UNC13C: variants seen among roughly 807,000 people sequenced by gnomAD.
The protein encoded by UNC13C is unc-13 homolog C.
A neutral mutation model predicts 245.4 loss-of-function variants in UNC13C; 174 were observed. The observed-to-expected ratio is 0.71, with a 90% CI of 0.63 to 0.80. UNC13C has a LOEUF of 0.80. UNC13C is among the 30% of genes least tolerant of loss of function. The probability of loss-of-function intolerance (pLI) is 0.00; values close to 1 mark genes in which losing one functional copy is unlikely to be tolerated. For synonymous variants in UNC13C, 992 were observed against 895.1 expected (o/e 1.11, Z -1.93); for missense variants, 2,829 against 2,602.9 (o/e 1.09, Z -1.89).
At chr15:54,030,131 C>T (rs758833355) in intron 2 of UNC13C, among the ~76,000 whole-genome samples, 10 of 152,118 alleles carry the variant, frequency 6.6e-5, no homozygotes, top group Non-Finnish European at 1.2e-4. Flanking sequence ...CCACCTCTAC[C>T]TCATTCTCCC....
intron 24 of UNC13C, among the ~76,000 whole-genome samples, chr15:54,516,755 G>A (rs1366116051): frequency 2.0e-5 from 3 of 148,512 alleles, no homozygotes; most frequent in Admixed American, 6.8e-5. Flanking sequence ...AGCAGAGATC[G>A]CACCACGGCA....
chr15:54,057,538 A>G (rs1311709098), intron 2 of UNC13C, among the ~76,000 whole-genome samples: 1 of 152,038 alleles, frequency 6.6e-6, no homozygotes, highest in East Asian at 1.9e-4. Flanking sequence ...CACTGTCAAC[A>G]TTAGACAGAT....
intron 24 of UNC13C, among the ~76,000 whole-genome samples, chr15:54,521,717 T>A (rs1895221331): frequency 6.6e-6 from 1 of 152,206 alleles, no homozygotes; most frequent in East Asian, 1.9e-4. Flanking sequence ...GAAATCAGGA[T>A]TAACTTGATA....
At chr15:53,916,084 A>C in the UNC13C span, among the ~76,000 whole-genome samples, 1 of 152,238 alleles carries the variant, frequency 6.6e-6, no homozygotes, top group African/African-American at 2.4e-5. Flanking sequence ...AAACTGTTTA[A>C]AAATGGGAAA....
At chr15:54,479,360 A>T (rs1194455774) in intron 19 of UNC13C, among the ~76,000 whole-genome samples, 1 of 151,896 alleles carries the variant, frequency 6.6e-6, no homozygotes, top group Non-Finnish European at 1.5e-5. Flanking sequence ...TCTGTTTTTA[A>T]TGTAAAGTCT....
chr15:54,331,309 T>C (rs984196930), intron 14 of UNC13C, among the ~76,000 whole-genome samples: 6 of 152,076 alleles, frequency 3.9e-5, no homozygotes, highest in Non-Finnish European at 8.8e-5. Context: ...TTTGACTTTG[T>C]TTTTGTTTAA....
chr15:54,437,676 C>T lies in UNC13C; in HGVS notation c.4933+22609C>T, dbSNP rs887708116. On this transcript the variant is annotated intron_variant, in intron 19 of 32. Coordinates refer to ENST00000260323, the MANE Select transcript of UNC13C (RefSeq NM_001080534.3). Reference sequence around the variant, plus strand: ...AGTAGTCAGTTAGTCCAGTTCTGATCGATTGCAAACAGGAACACTGTTGAC... The same window carrying T: ...AGTAGTCAGTTAGTCCAGTTCTGATTGATTGCAAACAGGAACACTGTTGAC... 2.0e-5 allele frequency among the ~76,000 whole-genome samples: 3 copies of T among 151,924 alleles called. No individual in the cohort carries two copies. The South Asian group carries it at 6.2e-4, about 32-fold the overall frequency.
At position 54,129,706 on chromosome 15, in the gene UNC13C, TTC is replaced by T. The variant is rs2031286278; in HGVS notation, c.2984-13307_2984-13306del. Among the ~76,000 whole-genome samples the T allele has an allele frequency of 2.6e-5, 4 of 151,758 alleles. No individual in the cohort carries two copies. The South Asian group carries it at 8.4e-4, about 32-fold the overall frequency. ...AATTGGCATAAAGATGTATATATCA[TTC>T]TCTCAGAACTTTTCAAAATCTTTAC... On this transcript the variant is annotated intron_variant, in intron 2 of 32. Coordinates refer to ENST00000260323, the MANE Select transcript of UNC13C (RefSeq NM_001080534.3).
intron 8 of UNC13C, among the ~76,000 whole-genome samples, chr15:54,256,263 T>C (rs1195347656): frequency 1.3e-5 from 2 of 152,112 alleles, no homozygotes; most frequent in Admixed American, 6.5e-5. Context: ...AGGATGACTA[T>C]AGGGCATCTC....
intron 19 of UNC13C, among the ~76,000 whole-genome samples, chr15:54,463,447 G>A (rs568531959): frequency 2.6e-5 from 4 of 151,838 alleles, no homozygotes; most frequent in African/African-American, 9.7e-5. Context: ...AACACTCACC[G>A]CGAAGCTCTG....
intron 19 of UNC13C, among the ~76,000 whole-genome samples, chr15:54,445,710 A>C (rs890461121): frequency 6.6e-6 from 1 of 152,138 alleles, no homozygotes; most frequent in Non-Finnish European, 1.5e-5. Context: ...TCAGATGAGT[A>C]GATTGCAAAA....
At chr15:54,474,559 G>C (rs910150083) in intron 19 of UNC13C, among the ~76,000 whole-genome samples, 1 of 151,854 alleles carries the variant, frequency 6.6e-6, no homozygotes, top group African/African-American at 2.4e-5. Flanking sequence ...CTGTTTACTT[G>C]TTTGAGTTCT....
At chr15:54,358,477 G>C (rs556725786) in intron 17 of UNC13C, among the ~76,000 whole-genome samples, 2 of 152,088 alleles carry the variant, frequency 1.3e-5, no homozygotes, top group East Asian at 3.9e-4. Flanking sequence ...CCAATTATTT[G>C]CATCTTCTTC....
intron 17 of UNC13C, among the ~76,000 whole-genome samples, chr15:54,369,947 A>C (rs761970931): frequency 1.3e-4 from 19 of 151,998 alleles, no homozygotes; most frequent in Non-Finnish European, 2.4e-4. Context: ...TCTTGACTAC[A>C]TACTCTCCTT....
At chr15:53,922,114 A>G in the UNC13C span, among the ~76,000 whole-genome samples, 1 of 152,206 alleles carries the variant, frequency 6.6e-6, no homozygotes, top group Non-Finnish European at 1.5e-5. Context: ...ATACCATGAT[A>G]AAGTGAATAA....
At chr15:54,582,740 CTG>C (rs1056676496) in intron 30 of UNC13C, among the ~76,000 whole-genome samples, 7 of 152,128 alleles carry the variant, frequency 4.6e-5, no homozygotes, top group Admixed American at 3.3e-4. Flanking sequence ...CTAGCCAAAA[CTG>C]TGAATTATGA....
At chr15:54,191,074 A>C (rs1357964779) in intron 4 of UNC13C, among the ~76,000 whole-genome samples, 1 of 152,136 alleles carries the variant, frequency 6.6e-6, no homozygotes, top group Non-Finnish European at 1.5e-5. Flanking sequence ...ATTATGCTTT[A>C]AGTTCTGGGA....
intron 17 of UNC13C, among the ~76,000 whole-genome samples, chr15:54,351,254 CG>C: frequency 6.6e-6 from 1 of 152,020 alleles, no homozygotes. Flanking sequence ...CAGTGAAGTG[CG>C]CAGGAATCTG....
At chr15:53,944,514 G>T in the UNC13C span, among the ~76,000 whole-genome samples, 10 of 152,064 alleles carry the variant, frequency 6.6e-5, no homozygotes, top group Non-Finnish European at 1.3e-4. Flanking sequence ...TGTGGCATTT[G>T]GTTTTCTGTG....
Sources: allele counts gnomAD v4.1 joint callset (sites outside exome capture counted in the v4.1 genomes callset), GRCh38; gene constraint gnomAD v4.1.1; transcripts MANE v1.5; gene names NCBI Gene and HGNC (gene_info 2026-07-23, HGNC 2026-07-21).